ZNF385D: variants seen among roughly 807,000 people sequenced by gnomAD.
ZNF385D encodes zinc finger protein 659.
ZNF385D carries 15 observed loss-of-function variants against 35.8 expected under a neutral mutation model. The ratio of observed to expected loss-of-function variants is 0.42; its 90% confidence interval spans 0.28 to 0.64. ZNF385D has a LOEUF of 0.64. Among genes scored for constraint, ZNF385D ranks in the 30% least tolerant of loss-of-function variants. The pLI, the probability that ZNF385D is intolerant of heterozygous loss-of-function variation, is 0.23. For synonymous variants in ZNF385D, 212 were observed against 186.8 expected, an observed-to-expected ratio of 1.13 and a Z score of -1.10; for missense variants, 474 against 494.6, an observed-to-expected ratio of 0.96 and a Z score of 0.39.
At chr3:21,927,271 C>G (rs1700776665) in intron 3 of ZNF385D, among the ~76,000 whole-genome samples, 1 of 147,132 alleles carries the variant, frequency 6.8e-6, no homozygotes, top group African/African-American at 2.5e-5. Context: ...CCAAATAAAT[C>G]TCTTTTTTTT....
intron 2 of ZNF385D, among the ~76,000 whole-genome samples, chr3:22,318,385 C>A (rs1374142571): frequency 2.0e-5 from 3 of 152,042 alleles, no homozygotes; most frequent in African/African-American, 7.2e-5. Flanking sequence ...CATCAGATAA[C>A]CTTGATCGAT....
rs1332876630 is a variant in ZNF385D, at chr3:21,751,174, C to G, written c.-258G>C. 6.4e-6 allele frequency: 9 copies of G among 1,399,926 alleles called. No individual in the cohort carries two copies. The highest frequency in any genetic ancestry group is 8.4e-6 in the Non-Finnish European group (9 of 1,077,390). 86.7% of individuals were successfully genotyped at this position (1,399,926 alleles called of 1,614,324 possible). ...CATCCTTACTGTAATCCGACTCCTC[C>G]TTGCGATGTCCTTGCCGCGCCTGTG... On this transcript the variant is annotated 5_prime_UTR_variant, in exon 1 of 8. Transcript: ENST00000281523.
intron 1 of ZNF385D, among the ~76,000 whole-genome samples, chr3:21,711,497 G>T (rs531367570): frequency 6.6e-6 from 1 of 152,118 alleles, no homozygotes; most frequent in African/African-American, 2.4e-5. Flanking sequence ...TTTTAAAAAC[G>T]ACAGTAATTA....
intron 2 of ZNF385D, among the ~76,000 whole-genome samples, chr3:22,304,581 T>C (rs1190178037): frequency 8.5e-5 from 13 of 152,176 alleles, no homozygotes; most frequent in Admixed American, 8.5e-4. Context: ...GTTAGTGATA[T>C]AATCATGCTT....
chr3:22,254,073 G>T lies in ZNF385D; in HGVS notation c.107-85038C>A, dbSNP rs1190519263. 2.6e-5 allele frequency among the ~76,000 whole-genome samples: 4 copies of T among 151,698 alleles called. No homozygotes were observed. The Admixed American group carries it at 2.6e-4, about 10-fold the overall frequency. On this transcript the variant is annotated intron_variant, in intron 2 of 5. Transcript: ENST00000494108. ...CACAAATTATAAAGCACACAATGGG[G>T]AAAATATTTGCACAGTGTAAAACCT...
intron 2 of ZNF385D, among the ~76,000 whole-genome samples, chr3:21,639,951 G>A (rs1217789045): frequency 6.6e-6 from 1 of 151,926 alleles, no homozygotes; most frequent in African/African-American, 2.4e-5. Flanking sequence ...ACAATCCAAA[G>A]ACACTTTTAG....
At chr3:21,622,124 T>G (rs1301934756) in intron 2 of ZNF385D, among the ~76,000 whole-genome samples, 2 of 152,076 alleles carry the variant, frequency 1.3e-5, no homozygotes, top group Admixed American at 1.3e-4. Context: ...GCACTCAAAT[T>G]AAGACTCTGA....
chr3:21,569,970 A>G (rs1341456466), intron 2 of ZNF385D, among the ~76,000 whole-genome samples: 5 of 151,418 alleles, frequency 3.3e-5, no homozygotes, highest in Non-Finnish European at 7.4e-5. Flanking sequence ...TGACGAGTTA[A>G]TGGGTGCAGC....
chr3:22,252,520 A>G (rs1700114045), intron 2 of ZNF385D, among the ~76,000 whole-genome samples: 1 of 152,032 alleles, frequency 6.6e-6, no homozygotes, highest in Non-Finnish European at 1.5e-5. Flanking sequence ...GAGCAAAGAA[A>G]AGAAAACTAC....
At chr3:22,123,955 TC>T in intron 3 of ZNF385D, among the ~76,000 whole-genome samples, 1 of 92,642 alleles carries the variant, frequency 1.1e-5, no homozygotes, top group South Asian at 3.6e-4. Flanking sequence ...TCTCTCTCTC[TC>T]TCTCTCTATA....
chr3:21,414,874 A>C lies in ZNF385D; in HGVS notation c.*6340T>G, dbSNP rs890790795. 2.6e-5 allele frequency: 4 copies of C among 152,110 alleles called. No individual in the cohort carries two copies. Among genetic ancestry groups the C allele is most frequent in the Non-Finnish European group, 4.4e-5 (3 of 67,998 alleles). The allele number at this position is 152,110 out of a possible 1,614,324, so 9.4% of individuals were successfully genotyped here. On this transcript the variant is annotated 3_prime_UTR_variant, in exon 8 of 8. Transcript: ENST00000281523. Reference sequence around the variant, plus strand: ...TTTGATAAAAGTTAAACTTTCCAGGATCTCACGAACTCAATTCCTTTTTCA... The same window carrying C: ...TTTGATAAAAGTTAAACTTTCCAGGCTCTCACGAACTCAATTCCTTTTTCA...
intron 4 of ZNF385D, among the ~76,000 whole-genome samples, chr3:21,487,655 G>T (rs968883929): frequency 6.5e-4 from 99 of 152,050 alleles, no homozygotes; most frequent in Non-Finnish European, 3.7e-4. Context: ...CACATAGCTA[G>T]ATCACAACCT....
At chr3:21,779,379 TATAC>T (rs2125632277) in intron 3 of ZNF385D, among the ~76,000 whole-genome samples, 1 of 142,758 alleles carries the variant, frequency 7.0e-6, no homozygotes, top group Non-Finnish European at 1.6e-5. Flanking sequence ...TATATATATA[TATAC>T]TTTTGTCTGC....
chr3:21,683,566 G>T (rs1171108425), intron 1 of ZNF385D, among the ~76,000 whole-genome samples: 2 of 149,396 alleles, frequency 1.3e-5, no homozygotes, highest in East Asian at 4.1e-4. Context: ...GCAGTGAGCC[G>T]AGATCGCACC....
chr3:21,979,783 A>C (rs937169282), intron 3 of ZNF385D: 5 of 151,496 alleles, frequency 3.3e-5, no homozygotes, highest in Non-Finnish European at 5.9e-5. Flanking sequence ...CCAGGATGGA[A>C]AAATATGGGT....
At chr3:21,492,522 C>G (rs978146087) in intron 4 of ZNF385D, among the ~76,000 whole-genome samples, 4 of 150,292 alleles carry the variant, frequency 2.7e-5, no homozygotes, top group Non-Finnish European at 5.9e-5. Context: ...GTGGCTCAAA[C>G]CTGTAATCCC....
At chr3:21,939,526 G>A (rs1229551398) in intron 3 of ZNF385D, among the ~76,000 whole-genome samples, 2 of 151,988 alleles carry the variant, frequency 1.3e-5, no homozygotes, top group Admixed American at 1.3e-4. Context: ...AAGTTGCATT[G>A]TATTTTAAAA....
At chr3:22,014,130 A>G (rs1429711103) in intron 3 of ZNF385D, among the ~76,000 whole-genome samples, 1 of 152,182 alleles carries the variant, frequency 6.6e-6, no homozygotes, top group African/African-American at 2.4e-5. Context: ...ATATGACTAA[A>G]TATAGAAGGT....
intron 3 of ZNF385D, among the ~76,000 whole-genome samples, chr3:22,045,689 A>C (rs1698955644): frequency 6.6e-6 from 1 of 152,086 alleles, no homozygotes; most frequent in South Asian, 2.1e-4. Context: ...AATATGCTGT[A>C]ATCACTTTCG....
Sources: allele counts gnomAD v4.1 joint callset (sites outside exome capture counted in the v4.1 genomes callset), GRCh38; gene constraint gnomAD v4.1.1; transcripts MANE v1.5; gene names NCBI Gene and HGNC (gene_info 2026-07-23, HGNC 2026-07-21).